The following DLG2 variants were observed in gnomAD, a reference collection of about 807,000 sequenced individuals.
DLG2 encodes the protein disks large homolog 2.
DLG2 carries 45 observed loss-of-function variants against 132.5 expected under a neutral mutation model. The ratio of observed to expected loss-of-function variants is 0.34; its 90% confidence interval spans 0.27 to 0.44. DLG2 has a LOEUF of 0.44. Ranked by LOEUF, DLG2 falls within the 20% of genes least tolerant of loss-of-function variation. The probability of loss-of-function intolerance (pLI) is 1.00; values close to 1 mark genes in which losing one functional copy is unlikely to be tolerated. For synonymous variants in DLG2, 424 were observed against 419.6 expected (o/e 1.01, Z -0.13); for missense variants, 1,045 against 1,196.9 (o/e 0.87, Z 1.87).
At chr11:85,114,807 C>A (rs888923904) in intron 5 of DLG2, among the ~76,000 whole-genome samples, 6 of 151,896 alleles carry the variant, frequency 4.0e-5, no homozygotes, top group Admixed American at 3.9e-4. Flanking sequence ...TCTCAAACAA[C>A]CCCATCCCTC....
At chr11:83,744,512 C>T (rs894846480) in intron 18 of DLG2, among the ~76,000 whole-genome samples, 4 of 152,092 alleles carry the variant, frequency 2.6e-5, no homozygotes, top group Admixed American at 6.5e-5. Context: ...AACATCACCA[C>T]CCTTTGTTAT....
intron 6 of DLG2, among the ~76,000 whole-genome samples, chr11:84,843,627 C>A (rs2080993563): frequency 6.6e-6 from 1 of 151,852 alleles, no homozygotes; most frequent in Non-Finnish European, 1.5e-5. Flanking sequence ...ATAGTATTTG[C>A]ATATAACCTA....
At chr11:85,041,423 A>C (rs1162921117) in intron 6 of DLG2, among the ~76,000 whole-genome samples, 1 of 151,956 alleles carries the variant, frequency 6.6e-6, no homozygotes, top group Non-Finnish European at 1.5e-5. Flanking sequence ...TTTGACTCTT[A>C]ACCTTATTTT....
chr11:84,331,610 G>GGGT (rs2098459694), intron 7 of DLG2, among the ~76,000 whole-genome samples: 1 of 150,818 alleles, frequency 6.6e-6, no homozygotes, highest in African/African-American at 2.4e-5. Flanking sequence ...GCGGCCGGGT[G>GGGT]GGTGGTGGTG....
At chr11:85,542,128 C>T (rs746156543) in intron 3 of DLG2, among the ~76,000 whole-genome samples, 7 of 152,164 alleles carry the variant, frequency 4.6e-5, no homozygotes, top group Admixed American at 6.5e-5. Context: ...CTTTACAAAG[C>T]AGTAGCACTT....
chr11:83,770,265 G>GTTTTTTTTTTTTTTTTTTTT (rs71066064), intron 18 of DLG2, among the ~76,000 whole-genome samples: 22 of 128,776 alleles, frequency 1.7e-4, no homozygotes, highest in African/African-American at 5.9e-4. Flanking sequence ...GTTTTTTTTT[G>GTTTTTTTTTTTTTTTTTTTT]TTTTTTTGCT....
intron 3 of DLG2, among the ~76,000 whole-genome samples, chr11:85,399,077 C>G (rs2087744252): frequency 1.3e-5 from 2 of 152,142 alleles, no homozygotes; most frequent in African/African-American, 4.8e-5. Flanking sequence ...GCAACTTCAG[C>G]AAAGTCTCAG....
At chr11:84,331,286 T>C (rs928518757) in intron 7 of DLG2, among the ~76,000 whole-genome samples, 12 of 152,024 alleles carry the variant, frequency 7.9e-5, no homozygotes, top group African/African-American at 1.7e-4. Context: ...GTCCCAATGT[T>C]ATTATTCCCA....
intron 5 of DLG2, among the ~76,000 whole-genome samples, chr11:85,140,931 A>G (rs938673262): frequency 4.6e-5 from 7 of 151,814 alleles, no homozygotes; most frequent in African/African-American, 1.4e-4. Context: ...TTTTGTGGCT[A>G]AATAATATTC....
intron 7 of DLG2, among the ~76,000 whole-genome samples, chr11:84,532,355 T>G (rs1315685468): frequency 6.6e-6 from 1 of 152,094 alleles, no homozygotes; most frequent in East Asian, 1.9e-4. Flanking sequence ...CACCATATTA[T>G]CAATTCTAGT....
chr11:84,643,986 T>G (rs1172341681), intron 6 of DLG2, among the ~76,000 whole-genome samples: 1 of 152,200 alleles, frequency 6.6e-6, no homozygotes, highest in Non-Finnish European at 1.5e-5. Flanking sequence ...AGTAAAGAAG[T>G]TCAAACAGTC....
chr11:83,650,090 A>T (rs1016335944), intron 18 of DLG2, among the ~76,000 whole-genome samples: 1 of 152,356 alleles, frequency 6.6e-6, no homozygotes, highest in East Asian at 1.9e-4. Flanking sequence ...AGAAAAATGC[A>T]CCCATAAGTA....
At chr11:85,507,577 T>A (rs1412588898) in intron 3 of DLG2, among the ~76,000 whole-genome samples, 1 of 152,240 alleles carries the variant, frequency 6.6e-6, no homozygotes. Flanking sequence ...TGCCGAGAGA[T>A]CAGCTGTTAG....
intron 7 of DLG2, among the ~76,000 whole-genome samples, chr11:84,524,325 T>G (rs2099313615): frequency 6.6e-6 from 1 of 152,232 alleles, no homozygotes; most frequent in African/African-American, 2.4e-5. Context: ...CTTTTCAATA[T>G]CTGGCCTAAA....
intron 4 of DLG2, among the ~76,000 whole-genome samples, chr11:85,211,805 T>C (rs2082272049): frequency 6.6e-6 from 1 of 152,150 alleles, no homozygotes; most frequent in South Asian, 2.1e-4. Context: ...TTCCTAGCAG[T>C]TACCAAAAGT....
At chr11:85,262,607 G>A (rs975166140) in intron 4 of DLG2, among the ~76,000 whole-genome samples, 2 of 152,162 alleles carry the variant, frequency 1.3e-5, no homozygotes, top group African/African-American at 4.8e-5. Context: ...TCTAGAAGAA[G>A]GTCTTCAGGA....
chr11:84,185,150 A>G (rs2096248781), intron 8 of DLG2, among the ~76,000 whole-genome samples: 2 of 152,038 alleles, frequency 1.3e-5, no homozygotes, highest in Admixed American at 6.5e-5. Context: ...GAATCTATAA[A>G]TTACCCTGGG....
At chr11:84,696,133 A>G (rs549842897) in intron 6 of DLG2, among the ~76,000 whole-genome samples, 2 of 151,614 alleles carry the variant, frequency 1.3e-5, no homozygotes, top group South Asian at 4.1e-4. Context: ...GGAGGAATGA[A>G]TGGTCTGGTA....
intron 7 of DLG2, among the ~76,000 whole-genome samples, chr11:84,342,445 A>G (rs1600234560): frequency 6.6e-6 from 1 of 152,180 alleles, no homozygotes; most frequent in African/African-American, 2.4e-5. Context: ...TGGGTGTTAT[A>G]TTTTTAATAA....
Sources: gnomAD v4.1 joint callset for allele counts (sites outside exome capture counted in the v4.1 genomes callset) on GRCh38, gnomAD v4.1.1 for gene constraint, MANE v1.5 for transcripts, NCBI Gene and HGNC (gene_info 2026-07-23, HGNC 2026-07-21) for gene names.